Variants in ACSL4 observed in about 807,000 individuals in gnomAD.
ACSL4 encodes the protein long-chain-fatty-acid--CoA ligase 4.
A neutral mutation model predicts 49.1 loss-of-function variants in ACSL4; 9 were observed. That is an observed-to-expected ratio of 0.18 (90% CI 0.11 to 0.32). The LOEUF (loss-of-function observed/expected upper bound fraction) is 0.32. Among genes scored for constraint, ACSL4 ranks in the 10% least tolerant of loss-of-function variants. The pLI is 1.00. For missense variants in ACSL4, 333 were observed against 493.7 expected (o/e 0.67, Z 3.08); for synonymous variants, 191 against 170.3 (o/e 1.12, Z -0.95).
intron 9 of ACSL4, among the ~76,000 whole-genome samples, chrX:109,673,571 T>C (rs1336692646): frequency 8.9e-6 from 1 of 112,363 alleles, no homozygotes; most frequent in Non-Finnish European, 1.9e-5. Context: ...ATTCTACTTC[T>C]TTGTTATTTG....
At chrX:109,669,622 T>C (rs1923001538) in intron 9 of ACSL4, among the ~76,000 whole-genome samples, 1 of 111,818 alleles carries the variant, frequency 8.9e-6, no homozygotes, top group Non-Finnish European at 1.9e-5. Context: ...GTCGAACTCC[T>C]GACTTCGTGA....
intron 1 of ACSL4, among the ~76,000 whole-genome samples, chrX:109,723,535 G>A (rs1927725891): frequency 9.0e-6 from 1 of 111,448 alleles, no homozygotes; most frequent in Non-Finnish European, 1.9e-5. Context: ...CTATGTCAGT[G>A]TATATATATG....
chrX:109,713,530 T>C (rs1187557038), intron 1 of ACSL4, among the ~76,000 whole-genome samples: 1 of 110,823 alleles, frequency 9.0e-6, no homozygotes, highest in Non-Finnish European at 1.9e-5. Context: ...TTCAAGCTAT[T>C]AGGTTGAACC....
chrX:109,730,337 T>C (rs770120456), intron 1 of ACSL4, among the ~76,000 whole-genome samples: 1 of 112,405 alleles, frequency 8.9e-6, no homozygotes, highest in South Asian at 3.7e-4. Flanking sequence ...AGCTTTTATT[T>C]TTGCTAAAGG....
intron 15 of ACSL4, among the ~76,000 whole-genome samples, chrX:109,649,630 T>A (rs1251536991): frequency 2.7e-5 from 3 of 111,171 alleles, no homozygotes; most frequent in African/African-American, 9.8e-5. Context: ...GGACTTCATG[T>A]CTAAAACACC....
intron 1 of ACSL4, among the ~76,000 whole-genome samples, chrX:109,713,392 G>T (rs1194623255): frequency 8.9e-6 from 1 of 111,963 alleles, no homozygotes; most frequent in African/African-American, 3.3e-5. Context: ...CTCCTGGAAG[G>T]TAAGTTTGTC....
At chrX:109,658,585 G>A (rs1394899227) in intron 15 of ACSL4, among the ~76,000 whole-genome samples, 1 of 112,049 alleles carries the variant, frequency 8.9e-6, no homozygotes, top group Non-Finnish European at 1.9e-5. Context: ...CACTGTACCG[G>A]TAACACCAGA....
intron 2 of ACSL4, among the ~76,000 whole-genome samples, chrX:109,694,039 T>C (rs1194312967): frequency 9.0e-6 from 1 of 111,694 alleles, no homozygotes; most frequent in South Asian, 3.7e-4. Flanking sequence ...CAAAAGGAAA[T>C]AATAATTTTG....
At chrX:109,690,349 C>G (rs909404437) in intron 2 of ACSL4, among the ~76,000 whole-genome samples, 2 of 111,906 alleles carry the variant, frequency 1.8e-5, no homozygotes, top group African/African-American at 6.5e-5. Context: ...CAGAAAAAGG[C>G]AGGGCATTAT....
intron 1 of ACSL4, among the ~76,000 whole-genome samples, chrX:109,730,748 G>C (rs910035117): frequency 1.8e-5 from 2 of 112,425 alleles, no homozygotes; most frequent in African/African-American, 6.5e-5. Flanking sequence ...CTCACTGCAA[G>C]CTCCACCTTC....
At chrX:109,692,912 T>C (rs1925149184) in intron 2 of ACSL4, among the ~76,000 whole-genome samples, 1 of 112,270 alleles carries the variant, frequency 8.9e-6, no homozygotes, top group Admixed American at 9.5e-5. Context: ...TACATCTATC[T>C]CCTGTCATCT....
intron 10 of ACSL4, 125 bp from the exon 11 acceptor site, chrX:109,668,398 G>A (rs1376883287): frequency 1.7e-6 from 1 of 577,481 alleles, no homozygotes; most frequent in East Asian, 3.8e-5. Flanking sequence ...ATCACGGTGA[G>A]AATGAGAGGT....
intron 9 of ACSL4, among the ~76,000 whole-genome samples, chrX:109,669,766 A>C (rs1923021118): frequency 8.9e-6 from 1 of 112,602 alleles, no homozygotes; most frequent in Non-Finnish European, 1.9e-5. Flanking sequence ...AAAAAAAATT[A>C]ATCTCTGTTA....
intron 1 of ACSL4, among the ~76,000 whole-genome samples, chrX:109,704,565 T>C (rs899228798): frequency 9.8e-5 from 11 of 111,782 alleles, no homozygotes; most frequent in African/African-American, 3.6e-4. Flanking sequence ...AGAACCAAAA[T>C]AGGCTTTAAA....
intron 9 of ACSL4, among the ~76,000 whole-genome samples, chrX:109,670,670 T>C (rs745745076): frequency 2.7e-5 from 3 of 109,356 alleles, no homozygotes; most frequent in South Asian, 4.2e-4. Flanking sequence ...CTCCCTCTGA[T>C]GCCGAGCGGA....
rs909727097 is a variant in ACSL4 at position 109,645,990 on chromosome X, G to A, written c.1856-1804C>T. Among the ~76,000 whole-genome samples the A allele has an allele frequency of 6.3e-5, 7 of 111,726 alleles. No individual in the cohort carries two copies. The South Asian group carries it at 1.5e-3, about 24-fold the overall frequency. ...TAGAGAAAAAAGAATAAAAAGAAAC[G>A]AGCAAAGCCTCCAAGAAATATGGGA... On this transcript the variant is annotated intron_variant, in intron 15 of 15. Transcript: ENST00000672401.
chrX:109,704,878 G>GTTAAC (rs1926234217), intron 1 of ACSL4, among the ~76,000 whole-genome samples: 1 of 110,972 alleles, frequency 9.0e-6, no homozygotes, highest in Non-Finnish European at 1.9e-5. Flanking sequence ...ATACTGCATT[G>GTTAAC]TGTATTTTAA....
At chrX:109,671,486 C>A (rs1288453264) in intron 9 of ACSL4, among the ~76,000 whole-genome samples, 1 of 108,063 alleles carries the variant, frequency 9.3e-6, no homozygotes, top group African/African-American at 3.4e-5. Context: ...GCCACCCCGT[C>A]CGGGAGGTGG....
intron 9 of ACSL4, among the ~76,000 whole-genome samples, chrX:109,672,291 T>C (rs1421647730): frequency 2.9e-5 from 2 of 69,607 alleles, no homozygotes; most frequent in African/African-American, 1.1e-4. Context: ...AAAATGGGGG[T>C]GGGGAGGGGA....
Sources: allele counts gnomAD v4.1 joint callset (sites outside exome capture counted in the v4.1 genomes callset), GRCh38; gene constraint gnomAD v4.1.1; transcripts MANE v1.5; gene names NCBI Gene and HGNC (gene_info 2026-07-23, HGNC 2026-07-21).